Variants in PTPRN2 observed in about 807,000 individuals in gnomAD.
PTPRN2 encodes protein tyrosine phosphatase receptor type N2, also known as receptor-type tyrosine-protein phosphatase N2.
PTPRN2 carries 74 observed loss-of-function variants against 118.8 expected under a neutral mutation model. The ratio of observed to expected loss-of-function variants is 0.62; its 90% confidence interval spans 0.52 to 0.76. The LOEUF (loss-of-function observed/expected upper bound fraction) is 0.76. Ranked by LOEUF, PTPRN2 falls within the 30% of genes least tolerant of loss-of-function variation. PTPRN2 has a pLI of 0.00. For missense variants in PTPRN2, 1,481 were observed against 1,394.4 expected, an observed-to-expected ratio of 1.06 and a Z score of -0.99; for synonymous variants, 641 against 608.0, an observed-to-expected ratio of 1.05 and a Z score of -0.80.
intron 2 of PTPRN2, among the ~76,000 whole-genome samples, chr7:158,437,677 G>A (rs1469049713): frequency 5.3e-5 from 8 of 152,174 alleles, no homozygotes; most frequent in Non-Finnish European, 1.2e-4. Flanking sequence ...GTGTGCGATG[G>A]CCCCTCTTTC....
Position 158,316,880 on chromosome 7 carries a change from G to A in PTPRN2, c.216C>T (p.Tyr72=), listed in dbSNP as rs146018380. ...GCTGCAGGGCCACGGGCGACACCTC[G>A]TAGCGGTAAAAGTCCATTGCCGGAA... is the stretch of plus-strand genomic sequence containing the variant. ...QKVPAMDFYR[Y]EVSPVALQRL... The change falls in exon 3 of 23, where the codon TAC becomes TAT. Residue 72 remains tyrosine (Y), a synonymous_variant. Coordinates refer to ENST00000389418, the MANE Select transcript of PTPRN2 (RefSeq NM_002847.5). 3.9e-4 allele frequency: 626 copies of A among 1,612,466 alleles called. 3 individuals carry two copies. In the African/African-American group the frequency reaches 7.4e-3, roughly 19 times the overall value.
At chr7:158,150,407 C>T (rs531456866) in intron 6 of PTPRN2, among the ~76,000 whole-genome samples, 1 of 152,188 alleles carries the variant, frequency 6.6e-6, no homozygotes, top group African/African-American at 2.4e-5. Context: ...GAGATGTCCA[C>T]CCTCAGCAGC....
chr7:158,157,867 C>A (rs1342897075), intron 6 of PTPRN2, among the ~76,000 whole-genome samples: 1 of 152,194 alleles, frequency 6.6e-6, no homozygotes, highest in Non-Finnish European at 1.5e-5. Context: ...GCACACTGAG[C>A]CCGGGACTGT....
chr7:158,337,220 G>T (rs1188936322), intron 2 of PTPRN2, among the ~76,000 whole-genome samples: 1 of 151,778 alleles, frequency 6.6e-6, no homozygotes, highest in Admixed American at 6.6e-5. Flanking sequence ...ACTTGCAGAC[G>T]TCACTAACAC....
At chr7:158,102,104 G>C (rs1365009309) in intron 10 of PTPRN2, among the ~76,000 whole-genome samples, 1 of 152,132 alleles carries the variant, frequency 6.6e-6, no homozygotes, top group Admixed American at 6.5e-5. Context: ...CTGAGCCCAG[G>C]TGCCAGGCAG....
rs79778376 is a variant in PTPRN2 at position 158,540,586 on chromosome 7, C to T, written c.112+46972G>A. Among the ~76,000 whole-genome samples the T allele has an allele frequency of 8.7e-3, 1,324 of 152,296 alleles. 22 individuals carry two copies. The highest frequency in any genetic ancestry group is 0.03 in the African/African-American group (1,252 of 41,568). On this transcript the variant is annotated intron_variant, in intron 1 of 22. Transcript: ENST00000389418. ...TCTGCTCCCACCCATGCCCCCAACA[C>T]GCGTACCCTCCAAAGGGACAGCAGA... is the stretch of plus-strand genomic sequence containing the variant.
intron 10 of PTPRN2, among the ~76,000 whole-genome samples, chr7:158,106,832 A>C (rs1337951686): frequency 6.6e-6 from 1 of 152,210 alleles, no homozygotes; most frequent in Non-Finnish European, 1.5e-5. Context: ...ACTATGGCCC[A>C]GAGAGGAAAA....
At chr7:158,264,767 C>T (rs531223482) in intron 3 of PTPRN2, among the ~76,000 whole-genome samples, 11 of 152,296 alleles carry the variant, frequency 7.2e-5, no homozygotes, top group East Asian at 3.9e-4. Context: ...TGCCCCATTC[C>T]GAAAAGCCAG....
chr7:158,482,984 A>G (rs1015010647), intron 2 of PTPRN2, among the ~76,000 whole-genome samples: 2 of 152,214 alleles, frequency 1.3e-5, no homozygotes, highest in African/African-American at 4.8e-5. Flanking sequence ...CCCTATGCCC[A>G]GAGGGGAATG....
rs920602041 is a variant in PTPRN2 at position 157,874,684 on chromosome 7, A to G, written c.1788+23989T>C. Reference sequence around the variant, plus strand: ...ACAAGGCAGGGGTTTGCTTGCAGGTAGCAAAGTAACCCAAGCAGACACACA... The same window carrying G: ...ACAAGGCAGGGGTTTGCTTGCAGGTGGCAAAGTAACCCAAGCAGACACACA... On this transcript the variant is annotated intron_variant, in intron 12 of 22. Transcript: ENST00000389418. This position sits in a 1 kb window ranked among gnomAD's most constrained non-coding sequence, Gnocchi z 5.8. 2.6e-5 allele frequency among the ~76,000 whole-genome samples: 4 copies of G among 152,158 alleles called. No homozygotes were observed. The highest frequency in any genetic ancestry group is 9.7e-5 in the African/African-American group (4 of 41,440).
At position 157,655,283 on chromosome 7, in the gene PTPRN2, G is replaced by A. The variant is rs370197486; in HGVS notation, c.2196+1074C>T. Among the ~76,000 whole-genome samples, 3 of 152,308 alleles carry A rather than the reference G, an allele frequency of 2.0e-5. No individual in the cohort carries two copies. The East Asian group carries it at 5.8e-4, about 29-fold the overall frequency. On this transcript the variant is annotated intron_variant, in intron 14 of 22. Transcript: ENST00000389418. Reference sequence around the variant, plus strand: ...GTTCCTCAGTTTCCCCAAACGTCTGGTCCAAGCGGGTCTAGAACTGCGTGT... The same window carrying A: ...GTTCCTCAGTTTCCCCAAACGTCTGATCCAAGCGGGTCTAGAACTGCGTGT...
Position 157,861,549 on chromosome 7 carries a change from G to A in PTPRN2, c.1788+37124C>T, listed in dbSNP as rs1441706491. 2.0e-5 allele frequency among the ~76,000 whole-genome samples: 3 copies of A among 152,188 alleles called. No homozygotes were observed. The highest frequency in any genetic ancestry group is 4.8e-5 in the African/African-American group (2 of 41,442). ...GCCTCCCCACCTTACCTGCAGACAC[G>A]CTCCCTGTACTCAAAGCCGAGCTGT... On this transcript the variant is annotated intron_variant, in intron 12 of 22. Transcript: ENST00000389418. The surrounding 1 kb of genome is among the most constrained non-coding windows in gnomAD (Gnocchi z 5.8).
At chr7:157,985,940 C>T (rs540512458) in intron 11 of PTPRN2, among the ~76,000 whole-genome samples, 7 of 152,094 alleles carry the variant, frequency 4.6e-5, no homozygotes, top group African/African-American at 7.2e-5. Flanking sequence ...ACCTGGCTGA[C>T]GAGACCCGGC....
At chr7:158,337,495 C>T (rs376927022) in intron 2 of PTPRN2, among the ~76,000 whole-genome samples, 9 of 151,092 alleles carry the variant, frequency 6.0e-5, no homozygotes, top group South Asian at 4.2e-4. Context: ...CACCTGCAGA[C>T]GTCACTCGCA....
intron 11 of PTPRN2, among the ~76,000 whole-genome samples, chr7:157,925,526 C>T (rs1798930190): frequency 6.6e-6 from 1 of 152,206 alleles, no homozygotes; most frequent in African/African-American, 2.4e-5. Context: ...TGGCCTGGCC[C>T]CTCTCCCTCC....
chr7:158,262,368 T>C (rs1264424026), intron 3 of PTPRN2, among the ~76,000 whole-genome samples: 1 of 109,788 alleles, frequency 9.1e-6, no homozygotes, highest in East Asian at 2.8e-4. Context: ...AAACATTCAC[T>C]GCACACACAT....
At chr7:158,109,786 C>T (rs1333174905) in intron 10 of PTPRN2, among the ~76,000 whole-genome samples, 6 of 151,322 alleles carry the variant, frequency 4.0e-5, no homozygotes, top group South Asian at 2.1e-4. Context: ...GAGTGAATGA[C>T]GTTACCCCGG....
At chr7:157,916,243 C>T (rs1798386424) in intron 11 of PTPRN2, among the ~76,000 whole-genome samples, 1 of 152,184 alleles carries the variant, frequency 6.6e-6, no homozygotes, top group Non-Finnish European at 1.5e-5. Context: ...CATCTCTAAC[C>T]CTCCTGGCAG....
intron 12 of PTPRN2, among the ~76,000 whole-genome samples, chr7:157,843,557 G>A (rs905744735): frequency 9.9e-5 from 15 of 152,174 alleles, no homozygotes; most frequent in Admixed American, 3.9e-4. Context: ...CAACTTCCCT[G>A]GCCACTGACT....
Sources: allele counts gnomAD v4.1 joint callset (sites outside exome capture counted in the v4.1 genomes callset), GRCh38; gene constraint gnomAD v4.1.1; non-coding constraint Gnocchi (gnomAD v3.1); transcripts MANE v1.5; gene names NCBI Gene and HGNC (gene_info 2026-07-23, HGNC 2026-07-21).